The following GAST variants were observed in gnomAD, a reference collection of about 807,000 sequenced individuals.
The protein encoded by GAST is gastrin.
GAST carries 9 observed loss-of-function variants against 12.5 expected under a neutral mutation model. The ratio of observed to expected loss-of-function variants is 0.72; its 90% CI spans 0.43 to 1.25. The LOEUF is 1.25. Ranked by LOEUF, GAST falls within the 50% of genes most tolerant of loss-of-function variation. The probability of loss-of-function intolerance (pLI) is 0.00; values close to 1 mark genes in which losing one functional copy is unlikely to be tolerated. For missense variants in GAST, 121 were observed against 127.7 expected, an observed-to-expected ratio of 0.95 and a Z score of 0.25; for synonymous variants, 52 against 51.1, an observed-to-expected ratio of 1.02 and a Z score of -0.08.
At chr17:41,715,226 G>T (rs1450483505) in intron 1 of GAST, among the ~76,000 whole-genome samples, 12 of 151,668 alleles carry the variant, frequency 7.9e-5, no homozygotes, top group Admixed American at 7.2e-4. Flanking sequence ...CTTGAACCCG[G>T]GAGGCGGAGG....
At chr17:41,715,334 A>C in intron 1 of GAST, 98 bp from the exon 2 acceptor site, 1 of 813,246 alleles carries the variant, frequency 1.2e-6, no homozygotes, top group Non-Finnish European at 2.0e-6. Context: ...CACACTCATC[A>C]GCAGGTAGAG....
chr17:41,712,493 G>A (rs1046142091), intron 1 of GAST, 106 bp downstream of exon 1: 3 of 152,326 alleles, frequency 2.0e-5, no homozygotes, highest in African/African-American at 7.2e-5. Flanking sequence ...CTCACCCCTT[G>A]GGGTCTCCAG....
rs782763780 is a variant in GAST at position 41,715,484 on chromosome 17, C to T, written c.48C>T (p.Ala16=). The T allele has an allele frequency of 9.9e-6, 16 of 1,613,784 alleles. No homozygotes were observed. The highest frequency in any genetic ancestry group is 5.0e-5 in the Admixed American group (3 of 59,982). Residue 16 remains alanine (A), a synonymous_variant, in exon 2 of 3, where the codon GCC becomes GCT. Transcript: ENST00000329402. The part of the protein sequence containing the change: ...VYVLIFALAL[A]AFSEASWKPR... ...TGCTGATCTTTGCACTGGCTCTGGC[C>T]GCCTTCTCTGAAGCTTCTTGGAAGC...
rs150206234 is a variant in GAST, at chr17:41,715,771, T to A, written c.212-7T>A. 1,164 of 1,597,056 alleles carry A rather than the reference T, an allele frequency of 7.3e-4. 3 individuals carry two copies. Among genetic ancestry groups the A allele is most frequent in the East Asian group, 7.3e-3 (326 of 44,818 alleles). ...TTCCCCCATTCTCGCCTCTCTCACC[T>A]CCTCAGACCCGTCCAAGAAGCAGGG... is the stretch of plus-strand genomic sequence containing the variant. On this transcript the variant is annotated splice_polypyrimidine_tract_variant and splice_region_variant and intron_variant, in intron 2 of 2. Transcript: ENST00000329402.
intron 1 of GAST, among the ~76,000 whole-genome samples, chr17:41,713,419 C>T (rs1555585415): frequency 1.3e-5 from 2 of 152,036 alleles, no homozygotes; most frequent in Non-Finnish European, 2.9e-5. Context: ...GGCCAGGCAC[C>T]GTGGCTCATG....
Position 41,713,416 on chromosome 17 carries a change from C to A in GAST, c.-6+1029C>A, listed in dbSNP as rs1486647596. On this transcript the variant is annotated intron_variant, in intron 1 of 2. Coordinates refer to ENST00000329402, the MANE Select transcript of GAST (RefSeq NM_000805.5). ...GATTATGAAAAACTTAATGGCCAGG[C>A]ACCGTGGCTCATGCCTGTGATCACA... 2.0e-5 allele frequency among the ~76,000 whole-genome samples: 3 copies of A among 152,092 alleles called. No homozygotes were observed. The East Asian group carries it at 5.8e-4, about 29-fold the overall frequency.
Position 41,715,791 on chromosome 17 carries a change from G to A in GAST, c.225G>A (p.Lys75=). Residue 75 remains lysine, a synonymous_variant, in exon 3 of 3, where the codon AAG becomes AAA. Coordinates refer to ENST00000329402, the MANE Select transcript of GAST (RefSeq NM_000805.5). The stretch of plus-strand genomic sequence containing the variant: ...TCACCTCCTCAGACCCGTCCAAGAA[G>A]CAGGGACCATGGCTGGAGGAAGAAG... ...PPHLVADPSK[K]QGPWLEEEEE... 6.2e-7 allele frequency: 1 copy of A among 1,610,172 alleles called. No individual in the cohort carries two copies. The highest frequency in any genetic ancestry group is 8.5e-7 in the Non-Finnish European group (1 of 1,178,816).
In GAST at chr17:41,715,803, G is replaced by A; in HGVS notation, c.237G>A (p.Trp79Ter). 1 of 1,611,706 alleles carries A rather than the reference G, an allele frequency of 6.2e-7. No individual in the cohort carries two copies. The highest frequency in any genetic ancestry group is 1.1e-5 in the South Asian group (1 of 90,814). Residue 79 changes from tryptophan to a stop codon, truncating the protein, a stop_gained, in exon 3 of 3, where the codon TGG becomes TGA. Coordinates refer to ENST00000329402, the MANE Select transcript of GAST (RefSeq NM_000805.5). LOFTEE classifies it high-confidence loss of function. ...VADPSKKQGP[W>*]LEEEEEAYGW... ...ACCCGTCCAAGAAGCAGGGACCATGGCTGGAGGAAGAAGAAGAAGCCTATG... is the reference window on the plus strand; with the variant it reads ...ACCCGTCCAAGAAGCAGGGACCATGACTGGAGGAAGAAGAAGAAGCCTATG...
intron 1 of GAST, among the ~76,000 whole-genome samples, chr17:41,713,041 G>A (rs1275880127): frequency 2.6e-5 from 4 of 151,860 alleles, no homozygotes; most frequent in African/African-American, 4.8e-5. Context: ...TCAGCCTCCC[G>A]AGTAGCCGGG....
rs782023925 is a variant in GAST at position 41,715,820 on chromosome 17, A to C, written c.254A>C (p.Glu85Ala). The change falls in exon 3 of 3, where the codon GAA (glutamate) becomes GCA (alanine). Residue 85 changes from glutamate (E) to alanine (A), a missense_variant. Glu to Ala is a moderately radical substitution (Grantham distance 107, BLOSUM62 -1). Coordinates refer to ENST00000329402, the MANE Select transcript of GAST (RefSeq NM_000805.5). ...KQGPWLEEEE[E>A]AYGWMDFGRR... is the part of the protein sequence containing the mutation. Reference sequence around the variant, plus strand: ...GGACCATGGCTGGAGGAAGAAGAAGAAGCCTATGGATGGATGGACTTCGGC... The same window carrying C: ...GGACCATGGCTGGAGGAAGAAGAAGCAGCCTATGGATGGATGGACTTCGGC... 3.7e-5 allele frequency: 59 copies of C among 1,612,176 alleles called. No homozygotes were observed. The highest frequency in any genetic ancestry group is 6.7e-5 in the African/African-American group (5 of 74,728).
At position 41,715,548 on chromosome 17, in the gene GAST, G is replaced by T; in HGVS notation, c.112G>T (p.Ala38Ser). The change falls in exon 2 of 3, where the codon GCC becomes TCC. Residue 38 changes from alanine to serine, a missense_variant. Physicochemically the swap from Ala to Ser is moderately conservative, Grantham distance 99 (BLOSUM62 1). Transcript: ENST00000329402. ...QQPDAPLGTG[A>S]NRDLELPWLE... Reference sequence around the variant, plus strand: ...GCCAGATGCACCCTTAGGTACAGGGGCCAACAGGGACCTGGAGCTACCCTG... The same window carrying T: ...GCCAGATGCACCCTTAGGTACAGGGTCCAACAGGGACCTGGAGCTACCCTG... 3 of 1,613,408 alleles carry T rather than the reference G, an allele frequency of 1.9e-6. No individual in the cohort carries two copies. Among genetic ancestry groups the T allele is most frequent in the Non-Finnish European group, 2.5e-6 (3 of 1,180,022 alleles).
intron 1 of GAST, among the ~76,000 whole-genome samples, chr17:41,715,127 C>A (rs1053186508): frequency 2.0e-5 from 3 of 152,168 alleles, no homozygotes; most frequent in East Asian, 1.9e-4. Flanking sequence ...GGTGAAACCC[C>A]ATCTCTACTA....
Position 41,715,711 on chromosome 17 carries a change from T to G in GAST, c.211+64T>G, listed in dbSNP as rs1226496160. ...AGGTTTGGCCAAGGTCTCCCCAGAC[T>G]GGCTCTGACTTCAGTTCCTGGAAGG... is the stretch of plus-strand genomic sequence containing the variant. On this transcript the variant is annotated intron_variant, in intron 2 of 2. Coordinates refer to ENST00000329402, the MANE Select transcript of GAST (RefSeq NM_000805.5). 6.3e-6 allele frequency: 10 copies of G among 1,599,718 alleles called. No individual in the cohort carries two copies. In the East Asian group the frequency reaches 2.0e-4, roughly 32 times the overall value.
chr17:41,715,515 T>C lies in GAST; in HGVS notation c.79T>C (p.Ser27Pro). 1 of 1,613,682 alleles carries C rather than the reference T, an allele frequency of 6.2e-7. No homozygotes were observed. ...CTCTGAAGCTTCTTGGAAGCCCCGC[T>C]CCCAGCAGCCAGATGCACCCTTAGG... is the stretch of plus-strand genomic sequence containing the variant. ...AFSEASWKPR[S>P]QQPDAPLGTG... The change falls in exon 2 of 3, where the codon TCC (serine) becomes CCC (proline). Residue 27 changes from serine to proline, a missense_variant. By Grantham distance (74) the Ser-to-Pro change is moderately conservative. Transcript: ENST00000329402.
rs782672889 is a variant in GAST at position 41,715,520 on chromosome 17, G to C, written c.84G>C (p.Gln28His). ...FSEASWKPRS[Q>H]QPDAPLGTGA... ...AAGCTTCTTGGAAGCCCCGCTCCCA[G>C]CAGCCAGATGCACCCTTAGGTACAG... Residue 28 changes from glutamine to histidine, a missense_variant, in exon 2 of 3, where the codon CAG (glutamine) becomes CAC (histidine). Transcript: ENST00000329402. 2 of 1,613,614 alleles carry C rather than the reference G, an allele frequency of 1.2e-6. No individual in the cohort carries two copies. The highest frequency in any genetic ancestry group is 1.7e-5 in the Admixed American group (1 of 60,022).
chr17:41,714,899 C>T (rs193085139), intron 1 of GAST, among the ~76,000 whole-genome samples: 1 of 152,180 alleles, frequency 6.6e-6, no homozygotes, highest in Non-Finnish European at 1.5e-5. Flanking sequence ...GAAGCAGTGG[C>T]TGTAATCGGG....
intron 1 of GAST, among the ~76,000 whole-genome samples, chr17:41,713,681 A>G (rs1448459498): frequency 1.3e-5 from 2 of 152,180 alleles, no homozygotes; most frequent in African/African-American, 4.8e-5. Flanking sequence ...AGCCTGGGAG[A>G]CAGAGCAAGA....
intron 1 of GAST, among the ~76,000 whole-genome samples, chr17:41,714,939 G>A (rs567456188): frequency 3.7e-4 from 57 of 152,264 alleles, no homozygotes; most frequent in African/African-American, 1.2e-3. Flanking sequence ...ACAAGACTTC[G>A]GGGCTGGTGT....
At chr17:41,713,053 T>C (rs1464915179) in intron 1 of GAST, among the ~76,000 whole-genome samples, 2 of 152,026 alleles carry the variant, frequency 1.3e-5, no homozygotes, top group Non-Finnish European at 2.9e-5. Flanking sequence ...GTAGCCGGGA[T>C]TACAGGCGCC....
Sources: allele counts gnomAD v4.1 joint callset (sites outside exome capture counted in the v4.1 genomes callset), GRCh38; gene constraint gnomAD v4.1.1; transcripts MANE v1.5; gene names NCBI Gene and HGNC (gene_info 2026-07-23, HGNC 2026-07-21).